INPP4B: variants seen among roughly 807,000 people sequenced by gnomAD.
INPP4B encodes inositol polyphosphate 4-phosphatase type II.
In INPP4B, 55 loss-of-function variants were observed where a neutral mutation model predicts 122.5. The observed-to-expected ratio is 0.45, with a 90% CI of 0.36 to 0.56. INPP4B has a LOEUF of 0.56. Among genes scored for constraint, INPP4B ranks in the 20% least tolerant of loss-of-function variants. The pLI is 0.00. For missense variants in INPP4B, 1,000 were observed against 1,097.7 expected, an observed-to-expected ratio of 0.91 and a Z score of 1.26; for synonymous variants, 403 against 388.7, an observed-to-expected ratio of 1.04 and a Z score of -0.43.
At chr4:142,457,750 T>TTTTG (rs747601388) in intron 3 of INPP4B, among the ~76,000 whole-genome samples, 152 of 152,200 alleles carry the variant, frequency 1.0e-3, no homozygotes, top group Non-Finnish European at 1.6e-3. Flanking sequence ...TATCTGCTAG[T>TTTTG]TTTGTTTGTT....
intron 14 of INPP4B, among the ~76,000 whole-genome samples, chr4:142,200,288 T>G (rs1344717114): frequency 2.0e-5 from 3 of 151,994 alleles, no homozygotes; most frequent in Non-Finnish European, 4.4e-5. Context: ...TTTTTTAGCA[T>G]GTCATTACTT....
chr4:142,326,938 G>A lies in INPP4B; in HGVS notation c.373-12176C>T, dbSNP rs140199929. On this transcript the variant is annotated intron_variant, in intron 7 of 25. Coordinates refer to ENST00000262992, the MANE Select transcript of INPP4B (RefSeq NM_001101669.3). ...CCCAGGGCCACTTCATTAGCAAATT[G>A]CAGACATTAAACAGTCTCCTTCCAA... Among the ~76,000 whole-genome samples the A allele has an allele frequency of 4.0e-3, 614 of 152,278 alleles. 3 individuals are homozygous for A. The highest frequency in any genetic ancestry group is 7.0e-3 in the Non-Finnish European group (474 of 68,034).
intron 2 of INPP4B, among the ~76,000 whole-genome samples, chr4:142,564,455 G>GAAAAAA (rs1731176894): frequency 1.7e-5 from 2 of 116,596 alleles, no homozygotes; most frequent in Non-Finnish European, 3.4e-5. Context: ...AAAAAAAAAA[G>GAAAAAA]AAAGAAAGAA....
At chr4:142,140,963 G>A (rs551346684) in intron 18 of INPP4B, among the ~76,000 whole-genome samples, 9 of 152,252 alleles carry the variant, frequency 5.9e-5, no homozygotes, top group East Asian at 1.9e-4. Flanking sequence ...GTATCGCTGC[G>A]CTTAATTCTG....
intron 7 of INPP4B, among the ~76,000 whole-genome samples, chr4:142,374,101 G>C (rs1428863078): frequency 1.3e-5 from 2 of 151,790 alleles, no homozygotes; most frequent in Non-Finnish European, 2.9e-5. Context: ...CACGTTTGTA[G>C]ATAAAATGGG....
intron 7 of INPP4B, among the ~76,000 whole-genome samples, chr4:142,397,624 G>A (rs1448299591): frequency 6.6e-6 from 1 of 152,064 alleles, no homozygotes; most frequent in Non-Finnish European, 1.5e-5. Flanking sequence ...CGGATCACGA[G>A]GTCAGGAGAT....
rs575225082 is a variant in INPP4B, at chr4:142,310,125, GT to G, written c.423+4586del. 5.6e-3 allele frequency among the ~76,000 whole-genome samples: 814 copies of G among 144,308 alleles called. 3 individuals carry two copies. The highest frequency in any genetic ancestry group is 0.014 in the African/African-American group (551 of 39,664). The allele number at this position is 144,308 out of a possible 152,430, so 94.7% of individuals were successfully genotyped here. On this transcript the variant is annotated intron_variant, in intron 8 of 25. Coordinates refer to ENST00000262992, the MANE Select transcript of INPP4B (RefSeq NM_001101669.3). ...CACAAAGCCTGTATTCAAAGCACAG[GT>G]TTTTTTTTTTTTATATTACAATTTG...
intron 2 of INPP4B, among the ~76,000 whole-genome samples, chr4:142,569,851 T>G (rs1183469821): frequency 6.6e-6 from 1 of 152,110 alleles, no homozygotes; most frequent in African/African-American, 2.4e-5. Context: ...TTAGATACAT[T>G]AAAAATTCAT....
intron 1 of INPP4B, among the ~76,000 whole-genome samples, chr4:142,841,154 A>G (rs1783435165): frequency 6.6e-6 from 1 of 152,064 alleles, no homozygotes; most frequent in Admixed American, 6.5e-5. Flanking sequence ...CAAGTTTCGC[A>G]TAAGAAGATG....
intron 3 of INPP4B, among the ~76,000 whole-genome samples, chr4:142,456,896 G>A (rs941275754): frequency 6.6e-6 from 1 of 151,934 alleles, no homozygotes; most frequent in African/African-American, 2.4e-5. Context: ...ACAGTTTTGA[G>A]AAAGCAGAAC....
chr4:142,299,477 A>T (rs994392939), intron 9 of INPP4B, among the ~76,000 whole-genome samples: 7 of 151,476 alleles, frequency 4.6e-5, no homozygotes, highest in Non-Finnish European at 8.8e-5. Context: ...AAAGAAAAAA[A>T]TGTAGTGTTT....
At chr4:142,270,971 C>A (rs1745516442) in intron 9 of INPP4B, among the ~76,000 whole-genome samples, 197 bp from the exon 10 acceptor site, 1 of 148,510 alleles carries the variant, frequency 6.7e-6, no homozygotes, top group African/African-American at 2.5e-5. Context: ...TTTCTTTTTT[C>A]TTTTTTTTTG....
chr4:142,576,922 G>A (rs1252909915), intron 2 of INPP4B, among the ~76,000 whole-genome samples: 4 of 151,968 alleles, frequency 2.6e-5, no homozygotes, highest in Non-Finnish European at 5.9e-5. Context: ...CTTGCAATAA[G>A]AGTGATGTGT....
intron 23 of INPP4B, among the ~76,000 whole-genome samples, chr4:142,087,206 G>GA (rs1777291061): frequency 6.6e-6 from 1 of 152,090 alleles, no homozygotes. Flanking sequence ...TCTCCTGACA[G>GA]AAAAATATAT....
intron 2 of INPP4B, among the ~76,000 whole-genome samples, chr4:142,551,141 T>C (rs755976941): frequency 3.9e-5 from 6 of 152,234 alleles, no homozygotes; most frequent in East Asian, 3.9e-4. Context: ...TGTTGTTTTA[T>C]GGCTGCCCAG....
At chr4:142,246,271 T>C (rs987829568) in intron 11 of INPP4B, among the ~76,000 whole-genome samples, 20 of 151,942 alleles carry the variant, frequency 1.3e-4, no homozygotes, top group African/African-American at 3.9e-4. Flanking sequence ...CTTTGCTATA[T>C]GGGCTATTTT....
In INPP4B at chr4:142,307,678, T is replaced by C. The variant is rs1331737801; in HGVS notation, c.424-2141A>G. On this transcript the variant is annotated intron_variant, in intron 8 of 25. Transcript: ENST00000262992. ...CTGTAGTGAATTTTATTTTAGCATT[T>C]TGTATTTTAAAGAGATGTCGATCTT... 2.6e-5 allele frequency among the ~76,000 whole-genome samples: 4 copies of C among 152,222 alleles called. No individual in the cohort carries two copies. The East Asian group carries it at 7.7e-4, about 29-fold the overall frequency.
chr4:142,586,245 G>A (rs921474689), intron 2 of INPP4B, among the ~76,000 whole-genome samples: 1 of 151,890 alleles, frequency 6.6e-6, no homozygotes, highest in Non-Finnish European at 1.5e-5. Flanking sequence ...CCAGGGAGCA[G>A]AGTTTGTACT....
intron 2 of INPP4B, among the ~76,000 whole-genome samples, chr4:142,647,271 A>G (rs1289150034): frequency 6.6e-6 from 1 of 152,174 alleles, no homozygotes; most frequent in Non-Finnish European, 1.5e-5. Flanking sequence ...GTTTTTTATC[A>G]TTGTTGTTGT....
Sources: gnomAD v4.1 joint callset for allele counts (sites outside exome capture counted in the v4.1 genomes callset) on GRCh38, gnomAD v4.1.1 for gene constraint, MANE v1.5 for transcripts, NCBI Gene and HGNC (gene_info 2026-07-23, HGNC 2026-07-21) for gene names.